Variants in SLC9A9 observed in about 807,000 individuals in gnomAD.
The protein encoded by SLC9A9 is sodium/hydrogen exchanger 9.
Under a neutral mutation model 77.8 loss-of-function variants are expected in SLC9A9, and 62 were observed. That is an observed-to-expected ratio of 0.80 (90% CI 0.65 to 0.98). SLC9A9 has a LOEUF of 0.98. Among genes scored for constraint, SLC9A9 ranks in the 50% least tolerant of loss-of-function variants. SLC9A9 has a pLI of 0.00. For synonymous variants in SLC9A9, 320 were observed against 283.5 expected (o/e 1.13, Z -1.29); for missense variants, 775 against 774.9 (o/e 1.00, Z 0.00).
At chr3:143,613,052 C>A (rs951671780) in intron 6 of SLC9A9, among the ~76,000 whole-genome samples, 3 of 152,180 alleles carry the variant, frequency 2.0e-5, no homozygotes, top group African/African-American at 7.2e-5. Flanking sequence ...CTTGTATTTT[C>A]TTCTCAGTTT....
At chr3:143,466,941 C>A (rs759955920) in intron 12 of SLC9A9, 96 bp downstream of exon 12, 2 of 1,465,934 alleles carry the variant, frequency 1.4e-6, no homozygotes, top group African/African-American at 1.4e-5. Flanking sequence ...TAGGGTAGGA[C>A]CTGCCACTGT....
chr3:143,517,755 C>T (rs532117320), intron 9 of SLC9A9: 60 of 1,598,134 alleles, frequency 3.8e-5, no homozygotes, highest in South Asian at 3.4e-4. Context: ...TGTAATTTGA[C>T]GAAGACACTG....
chr3:143,443,090 C>T (rs1461166375), intron 12 of SLC9A9, among the ~76,000 whole-genome samples: 1 of 151,182 alleles, frequency 6.6e-6, no homozygotes, highest in Non-Finnish European at 1.5e-5. Context: ...CTGTAGCCTG[C>T]TCTGGCTAAA....
chr3:143,628,790 C>G (rs1168392733), intron 6 of SLC9A9, among the ~76,000 whole-genome samples: 2 of 152,108 alleles, frequency 1.3e-5, no homozygotes, highest in Non-Finnish European at 1.5e-5. Flanking sequence ...ATTTTGTCAA[C>G]AGTCTCATTT....
At chr3:143,688,913 C>T (rs910955999) in intron 5 of SLC9A9, among the ~76,000 whole-genome samples, 3 of 148,688 alleles carry the variant, frequency 2.0e-5, no homozygotes, top group African/African-American at 7.4e-5. Flanking sequence ...AATGACTCTA[C>T]TGGAAAAGGG....
intron 12 of SLC9A9, among the ~76,000 whole-genome samples, chr3:143,411,014 T>C (rs770246366): frequency 3.0e-4 from 46 of 152,246 alleles, no homozygotes; most frequent in Non-Finnish European, 6.0e-4. Flanking sequence ...GGGCCTCTAA[T>C]ATAACTCTTT....
At chr3:143,314,058 GCATCCTA>G (rs1331479456) in intron 14 of SLC9A9, among the ~76,000 whole-genome samples, 1 of 152,162 alleles carries the variant, frequency 6.6e-6, no homozygotes, top group Non-Finnish European at 1.5e-5. Flanking sequence ...GTGCCCACCT[GCATCCTA>G]CTTAACTCTC....
intron 8 of SLC9A9, among the ~76,000 whole-genome samples, chr3:143,564,736 CA>C (rs2037141037): frequency 6.6e-6 from 1 of 152,080 alleles, no homozygotes; most frequent in African/African-American, 2.4e-5. Context: ...ATAAGAACAT[CA>C]ATATAGAAAA....
chr3:143,650,606 C>G (rs989129114), intron 6 of SLC9A9, among the ~76,000 whole-genome samples: 41 of 152,140 alleles, frequency 2.7e-4, no homozygotes, highest in African/African-American at 9.7e-4. Flanking sequence ...TTTTTACTTA[C>G]GATTACCCTT....
intron 9 of SLC9A9, among the ~76,000 whole-genome samples, chr3:143,535,160 A>T (rs2036572220): frequency 6.6e-6 from 1 of 152,256 alleles, no homozygotes; most frequent in South Asian, 2.1e-4. Context: ...GAAAACATTC[A>T]GGAAAGAATA....
chr3:143,684,329 G>C (rs1400669489), intron 5 of SLC9A9, among the ~76,000 whole-genome samples: 1 of 151,930 alleles, frequency 6.6e-6, no homozygotes, highest in African/African-American at 2.4e-5. Flanking sequence ...GCCTTGTTTG[G>C]TGAGAGAACT....
intron 4 of SLC9A9, among the ~76,000 whole-genome samples, chr3:143,696,815 A>G (rs6787434): frequency 0.43 from 65,294 of 151,970 alleles, 14,214 homozygotes; most frequent in South Asian, 0.6. Flanking sequence ...ATATACTACC[A>G]AGGTATGGCA....
chr3:143,738,139 A>G lies in SLC9A9; in HGVS notation c.534-44832T>C, dbSNP rs151069357. Among the ~76,000 whole-genome samples the G allele has an allele frequency of 7.9e-5, 12 of 152,270 alleles. No individual in the cohort carries two copies. In the East Asian group the frequency reaches 1.9e-3, roughly 24 times the overall value. On this transcript the variant is annotated intron_variant, in intron 4 of 15. Transcript: ENST00000316549. ...ATTTTGCCATCTAGTGAGATGCTCT[A>G]TTGCTAGACTTGGGAGACAGGAAGA...
chr3:143,747,555 C>A (rs1466963138), intron 4 of SLC9A9, among the ~76,000 whole-genome samples: 3 of 152,146 alleles, frequency 2.0e-5, no homozygotes, highest in Admixed American at 6.5e-5. Context: ...CTTGAATACA[C>A]CCACAGAGTG....
chr3:143,715,620 G>C (rs559432780), intron 4 of SLC9A9, among the ~76,000 whole-genome samples: 2 of 152,290 alleles, frequency 1.3e-5, no homozygotes, highest in Admixed American at 6.5e-5. Context: ...GCCATCTCCA[G>C]ATCCCTGGAT....
intron 6 of SLC9A9, among the ~76,000 whole-genome samples, chr3:143,645,553 T>G (rs1362468833): frequency 1.3e-5 from 2 of 152,152 alleles, no homozygotes; most frequent in Admixed American, 6.5e-5. Context: ...TAGTTCAAGG[T>G]TCCCCTCAGT....
chr3:143,430,190 GCA>G (rs1397356873), intron 12 of SLC9A9, among the ~76,000 whole-genome samples: 1 of 152,130 alleles, frequency 6.6e-6, no homozygotes, highest in African/African-American at 2.4e-5. Context: ...AGAGAGATAG[GCA>G]CCTGGGATCA....
chr3:143,372,112 A>G, intron 13 of SLC9A9: 1 of 242,914 alleles, frequency 4.1e-6, no homozygotes, highest in South Asian at 4.3e-5. Flanking sequence ...GGATTAGAAG[A>G]ATCAGTATCA....
intron 12 of SLC9A9, among the ~76,000 whole-genome samples, chr3:143,445,326 C>T (rs2034823488): frequency 6.6e-6 from 1 of 152,194 alleles, no homozygotes; most frequent in Non-Finnish European, 1.5e-5. Flanking sequence ...GAAGCCACAT[C>T]TCATGGGCTT....
Sources: allele counts gnomAD v4.1 joint callset (sites outside exome capture counted in the v4.1 genomes callset), GRCh38; gene constraint gnomAD v4.1.1; transcripts MANE v1.5; gene names NCBI Gene and HGNC (gene_info 2026-07-23, HGNC 2026-07-21).